The following CHRM3 variants were observed in gnomAD, a reference collection of about 807,000 sequenced individuals.
CHRM3 encodes muscarinic acetylcholine receptor M3.
A neutral mutation model predicts 41.8 loss-of-function variants in CHRM3; 11 were observed. That is an observed-to-expected ratio of 0.26 (90% confidence interval 0.17 to 0.44). The LOEUF is 0.44. Ranked by LOEUF, CHRM3 falls within the 20% of genes least tolerant of loss-of-function variation. CHRM3 has a pLI of 1.00. For missense variants in CHRM3, 571 were observed against 745.4 expected (o/e 0.77, Z 2.72); for synonymous variants, 297 against 301.4 (o/e 0.99, Z 0.15).
chr1:239,906,542 G>A (rs1679978224), intron 6 of CHRM3, among the ~76,000 whole-genome samples: 1 of 152,128 alleles, frequency 6.6e-6, no homozygotes, highest in South Asian at 2.1e-4. Context: ...TGACACCAAG[G>A]AGGTCTAACT....
intron 3 of CHRM3, among the ~76,000 whole-genome samples, chr1:239,604,890 A>C (rs2148710412): frequency 6.6e-6 from 1 of 152,262 alleles, no homozygotes; most frequent in South Asian, 2.1e-4. Flanking sequence ...TTTCAGAGTA[A>C]GTTTTCTCCA....
intron 1 of CHRM3, among the ~76,000 whole-genome samples, chr1:239,450,536 C>CT (rs926029947): frequency 5.9e-5 from 9 of 152,078 alleles, no homozygotes; most frequent in Admixed American, 2.0e-4. Context: ...AATAGCTCCT[C>CT]TTTTTTTTGG....
intron 5 of CHRM3, among the ~76,000 whole-genome samples, chr1:239,681,400 T>G (rs11800327): frequency 0.012 from 1,813 of 152,302 alleles, 19 homozygotes; most frequent in Non-Finnish European, 0.018. Context: ...TGAAGCTAAG[T>G]GGAAATTTGG....
At chr1:239,781,345 C>T (rs763119169) in intron 5 of CHRM3, among the ~76,000 whole-genome samples, 2 of 152,086 alleles carry the variant, frequency 1.3e-5, no homozygotes, top group Non-Finnish European at 2.9e-5. Context: ...AGATTTATAC[C>T]TATTTGGGGG....
intron 5 of CHRM3, among the ~76,000 whole-genome samples, chr1:239,826,280 G>A (rs567200320): frequency 3.1e-4 from 47 of 152,256 alleles, no homozygotes; most frequent in African/African-American, 1.1e-3. Flanking sequence ...CCATTTGGTT[G>A]TAAGGAAATT....
At chr1:239,478,171 G>C (rs1319960761) in intron 1 of CHRM3, among the ~76,000 whole-genome samples, 1 of 152,148 alleles carries the variant, frequency 6.6e-6, no homozygotes, top group African/African-American at 2.4e-5. Context: ...CTGATGAAAG[G>C]AAAGTCCTGA....
intron 5 of CHRM3, among the ~76,000 whole-genome samples, chr1:239,687,845 A>G (rs1176078911): frequency 2.6e-5 from 4 of 152,184 alleles, no homozygotes; most frequent in African/African-American, 7.2e-5. Context: ...GCTATCCCAT[A>G]TAACCTAGGT....
At chr1:239,433,853 C>A (rs931912854) in intron 1 of CHRM3, among the ~76,000 whole-genome samples, 32 of 152,072 alleles carry the variant, frequency 2.1e-4, no homozygotes, top group Non-Finnish European at 8.8e-5. Context: ...TTTCTTTATC[C>A]ACTCGTTGAT....
Position 239,692,666 on chromosome 1 carries a change from A to G in CHRM3, c.-147+14378A>G, listed in dbSNP as rs571372136. ...GTTATGAAAACTGAAGTGCTTGCCA[A>G]TAGGAAATTCAATGATCTTTGAACT... On this transcript the variant is annotated intron_variant, in intron 5 of 6. Transcript: ENST00000676153. Among the ~76,000 whole-genome samples the G allele has an allele frequency of 2.3e-3, 343 of 152,300 alleles. 3 individuals carry two copies. Among genetic ancestry groups the G allele is most frequent in the Admixed American group, 4.9e-3 (75 of 15,294 alleles).
intron 1 of CHRM3, among the ~76,000 whole-genome samples, chr1:239,443,634 T>C (rs1352885066): frequency 6.6e-6 from 1 of 152,224 alleles, no homozygotes; most frequent in Non-Finnish European, 1.5e-5. Flanking sequence ...GTGCTTACTT[T>C]AATGAAGAAT....
chr1:239,503,463 T>C (rs1668373418), intron 2 of CHRM3, among the ~76,000 whole-genome samples: 1 of 152,146 alleles, frequency 6.6e-6, no homozygotes. Flanking sequence ...GGAATCAATA[T>C]TGTGAAAGCA....
At position 239,519,741 on chromosome 1, in the gene CHRM3, C is replaced by CTTTTTTTTTTTT. The variant is rs386370161; in HGVS notation, c.-421-25887_-421-25876dup. On this transcript the variant is annotated intron_variant, in intron 2 of 6. Coordinates refer to ENST00000676153, the MANE Select transcript of CHRM3 (RefSeq NM_001375978.1). ...ATTTTCACGTGGTTAAAAACTAGTT[C>CTTTTTTTTTTTT]TTTTTTTTTTTTTTTTTTTTTTTTG... is the stretch of plus-strand genomic sequence containing the variant. Among the ~76,000 whole-genome samples the CTTTTTTTTTTTT allele has an allele frequency of 1.2e-4, 10 of 85,052 alleles. 1 individual carries two copies. The highest frequency in any genetic ancestry group is 3.7e-4 in the East Asian group (1 of 2,714). 55.8% of individuals were successfully genotyped at this position (85,052 alleles called of 152,430 possible). A position where few individuals can be genotyped will look rare whatever the true frequency, so the allele number is the denominator to read the frequency against.
chr1:239,545,222 T>C (rs904702983), intron 2 of CHRM3, among the ~76,000 whole-genome samples: 4 of 152,162 alleles, frequency 2.6e-5, no homozygotes, highest in Admixed American at 2.6e-4. Context: ...ATACTTCACA[T>C]TGTGTGCAAA....
At position 239,567,884 on chromosome 1, in the gene CHRM3, C is replaced by G. The variant is rs1228896453; in HGVS notation, c.-313+22135C>G. Among the ~76,000 whole-genome samples, 3 of 152,284 alleles carry G rather than the reference C, an allele frequency of 2.0e-5. No homozygotes were observed. The East Asian group carries it at 5.8e-4, about 29-fold the overall frequency. ...GTTGGAGCTTGTTTGGTGGCTTTCTCTGGCTGCCTCCACCTCTCTGGTTCC... is the reference window on the plus strand; with the variant it reads ...GTTGGAGCTTGTTTGGTGGCTTTCTGTGGCTGCCTCCACCTCTCTGGTTCC... On this transcript the variant is annotated intron_variant, in intron 3 of 6. Transcript: ENST00000676153.
chr1:239,762,944 T>C (rs921857303), intron 5 of CHRM3, among the ~76,000 whole-genome samples: 1 of 152,204 alleles, frequency 6.6e-6, no homozygotes, highest in Admixed American at 6.5e-5. Context: ...TGGCAGAGTA[T>C]AATTGTCCTT....
chr1:239,708,660 C>T (rs767197689), intron 5 of CHRM3, among the ~76,000 whole-genome samples: 1 of 151,714 alleles, frequency 6.6e-6, no homozygotes, highest in African/African-American at 2.4e-5. Context: ...AAATATAAGC[C>T]CCATCCAGAA....
chr1:239,782,185 T>C (rs572011703), intron 5 of CHRM3, among the ~76,000 whole-genome samples: 5 of 152,230 alleles, frequency 3.3e-5, no homozygotes, highest in Admixed American at 2.6e-4. Flanking sequence ...AGAGAATTGG[T>C]GTAATTTTTC....
rs538596042 is a variant in CHRM3 at position 239,606,792 on chromosome 1, G to A, written c.-312-25432G>A. ...TGTGTTTTTGATTTGTAACTTTAAT[G>A]ACTTGAAAATTAACTTTAAATTCTA... is the stretch of plus-strand genomic sequence containing the variant. On this transcript the variant is annotated intron_variant, in intron 3 of 6. Transcript: ENST00000676153. Among the ~76,000 whole-genome samples the A allele has an allele frequency of 2.9e-4, 44 of 152,250 alleles. 1 individual carries two copies. The highest frequency in any genetic ancestry group is 2.5e-3 in the Admixed American group (38 of 15,292).
chr1:239,887,896 C>T (rs1004117874), intron 6 of CHRM3, among the ~76,000 whole-genome samples: 4 of 152,094 alleles, frequency 2.6e-5, no homozygotes, highest in African/African-American at 9.7e-5. Context: ...AAAGGAAACA[C>T]AGCAAAATGT....
Sources: gnomAD v4.1 joint callset for allele counts (sites outside exome capture counted in the v4.1 genomes callset) on GRCh38, gnomAD v4.1.1 for gene constraint, MANE v1.5 for transcripts, NCBI Gene and HGNC (gene_info 2026-07-23, HGNC 2026-07-21) for gene names.